Variants in VDAC1 observed in about 807,000 individuals in gnomAD.
VDAC1 encodes non-selective voltage-gated ion channel VDAC1.
Under a neutral mutation model 34.7 loss-of-function variants are expected in VDAC1, and 10 were observed. That is an observed-to-expected ratio of 0.29 (90% CI 0.18 to 0.49). VDAC1 has a LOEUF of 0.49. Ranked by LOEUF, VDAC1 falls within the 20% of genes least tolerant of loss-of-function variation. The pLI is 0.99. For synonymous variants in VDAC1, 130 were observed against 136.0 expected (o/e 0.96, Z 0.30); for missense variants, 230 against 347.9 (o/e 0.66, Z 2.69).
At chr5:134,092,543 G>GATTACA in the VDAC1 span, among the ~76,000 whole-genome samples, 1 of 152,130 alleles carries the variant, frequency 6.6e-6, no homozygotes, top group Non-Finnish European at 1.5e-5. Flanking sequence ...AGGCATGGTG[G>GATTACA]TGGGTGCCTG....
the VDAC1 span, among the ~76,000 whole-genome samples, chr5:134,057,499 C>T: frequency 9.5e-4 from 50 of 52,470 alleles, no homozygotes; most frequent in African/African-American, 1.9e-3. Flanking sequence ...AAATTTATAT[C>T]TATATCTATA....
the VDAC1 span, among the ~76,000 whole-genome samples, chr5:134,035,657 C>G: frequency 6.6e-6 from 1 of 152,184 alleles, no homozygotes; most frequent in Admixed American, 6.5e-5. Flanking sequence ...GAAGGGACAG[C>G]TCTTCCTTTC....
chr5:134,021,557 T>A, the VDAC1 span, among the ~76,000 whole-genome samples: 4 of 142,416 alleles, frequency 2.8e-5, no homozygotes, highest in South Asian at 2.2e-4. Context: ...GACCTTGTCT[T>A]AAAAAAAAAA....
the VDAC1 span, among the ~76,000 whole-genome samples, chr5:134,070,125 C>T: frequency 6.6e-6 from 1 of 151,880 alleles, no homozygotes; most frequent in Admixed American, 6.6e-5. Flanking sequence ...GTGAAGTAGC[C>T]ATTCTTTTAT....
chr5:134,000,433 T>C (rs1029380260), intron 1 of VDAC1, among the ~76,000 whole-genome samples: 1 of 152,108 alleles, frequency 6.6e-6, no homozygotes, highest in Non-Finnish European at 1.5e-5. Context: ...CACCCACCTA[T>C]CAAGGGGAGA....
At chr5:134,014,400 C>T in the VDAC1 span, among the ~76,000 whole-genome samples, 1 of 152,262 alleles carries the variant, frequency 6.6e-6, no homozygotes, top group East Asian at 1.9e-4. Context: ...TGCCACCTCA[C>T]GCCGGTCAGA....
chr5:134,038,170 G>C, the VDAC1 span, among the ~76,000 whole-genome samples: 1 of 152,144 alleles, frequency 6.6e-6, no homozygotes, highest in Non-Finnish European at 1.5e-5. Context: ...AAGTACAATG[G>C]AGAATACAAA....
chr5:133,997,776 T>C (rs1344651318), intron 1 of VDAC1, among the ~76,000 whole-genome samples: 1 of 139,350 alleles, frequency 7.2e-6, no homozygotes, highest in East Asian at 2.3e-4. Flanking sequence ...GCTATGAAGC[T>C]ACGATAGCCG....
At chr5:134,076,912 G>A in the VDAC1 span, among the ~76,000 whole-genome samples, 4 of 152,112 alleles carry the variant, frequency 2.6e-5, no homozygotes, top group Non-Finnish European at 5.9e-5. Context: ...CCGGAGGCAG[G>A]TCTAATTTAA....
the VDAC1 span, among the ~76,000 whole-genome samples, chr5:134,055,589 T>TTTTTTTTTGTTTTTG: frequency 4.9e-5 from 1 of 20,404 alleles, no homozygotes; most frequent in African/African-American, 2.0e-4. Context: ...CCCGCTAATG[T>TTTTTTTTTGTTTTTG]TTTTTTTTTT....
intron 5 of VDAC1, among the ~76,000 whole-genome samples, chr5:133,987,825 A>G (rs1224447092): frequency 6.6e-6 from 1 of 152,270 alleles, no homozygotes; most frequent in African/African-American, 2.4e-5. Flanking sequence ...GAGTTGGCAG[A>G]CACCACTTCA....
upstream of VDAC1, among the ~76,000 whole-genome samples, chr5:134,007,078 T>C (rs1561605607): frequency 6.6e-6 from 1 of 151,894 alleles, no homozygotes; most frequent in Non-Finnish European, 1.5e-5. Flanking sequence ...ACCCCGTCTC[T>C]ACTAAAAATA....
chr5:134,023,504 C>T, the VDAC1 span, among the ~76,000 whole-genome samples: 1 of 149,298 alleles, frequency 6.7e-6, no homozygotes, highest in Non-Finnish European at 1.5e-5. Flanking sequence ...AAAGACAACC[C>T]TCTTCTGGGC....
chr5:134,039,530 C>T, the VDAC1 span, among the ~76,000 whole-genome samples: 31 of 151,858 alleles, frequency 2.0e-4, no homozygotes, highest in South Asian at 8.3e-4. Flanking sequence ...GGGGTTTCAC[C>T]GTGTTAGCCA....
At chr5:134,050,449 T>C in the VDAC1 span, among the ~76,000 whole-genome samples, 1 of 152,218 alleles carries the variant, frequency 6.6e-6, no homozygotes, top group South Asian at 2.1e-4. Flanking sequence ...AGAAGCCCCA[T>C]TTACACTTCC....
At chr5:134,054,515 C>T in the VDAC1 span, among the ~76,000 whole-genome samples, 1 of 129,700 alleles carries the variant, frequency 7.7e-6, no homozygotes, top group Admixed American at 9.3e-5. Flanking sequence ...GGCTGGAGTG[C>T]AGTGGTGCCA....
rs113123001 is a variant in VDAC1 at position 133,972,396 on chromosome 5, C to T, written c.*375G>A. ...CACCATCAAGCAGCGAGCCTCTCAT[C>T]AATTAGGGTTAGGGAACCAAGGTTC... On this transcript the variant is annotated 3_prime_UTR_variant, in exon 9 of 9. Coordinates refer to ENST00000265333, the MANE Select transcript of VDAC1 (RefSeq NM_003374.3). The T allele has an allele frequency of 0.013, 5,508 of 411,852 alleles. 53 individuals carry two copies. Among genetic ancestry groups the T allele is most frequent in the Non-Finnish European group, 0.019 (4,428 of 234,168 alleles). 25.5% of individuals were successfully genotyped at this position (411,852 alleles called of 1,614,324 possible).
At chr5:134,037,384 G>T in the VDAC1 span, among the ~76,000 whole-genome samples, 1 of 152,120 alleles carries the variant, frequency 6.6e-6, no homozygotes, top group Non-Finnish European at 1.5e-5. Flanking sequence ...TTGCTAAACT[G>T]GTCACTCTGA....
intron 1 of VDAC1, among the ~76,000 whole-genome samples, chr5:134,004,148 G>A (rs1753666772): frequency 6.6e-6 from 1 of 152,146 alleles, no homozygotes; most frequent in South Asian, 2.1e-4. Context: ...AGGGCGCGTG[G>A]GCCTGGGGAC....
Sources: allele counts gnomAD v4.1 joint callset (sites outside exome capture counted in the v4.1 genomes callset), GRCh38; gene constraint gnomAD v4.1.1; transcripts MANE v1.5; gene names NCBI Gene and HGNC (gene_info 2026-07-23, HGNC 2026-07-21).